The following GPHN variants were observed in gnomAD, a reference collection of about 807,000 sequenced individuals.
GPHN encodes the protein gephyrin.
A neutral mutation model predicts 95.5 loss-of-function variants in GPHN; 17 were observed. The ratio of observed to expected loss-of-function variants is 0.18; its 90% confidence interval spans 0.12 to 0.27. The LOEUF is 0.27. Ranked by LOEUF, GPHN falls within the 10% of genes least tolerant of loss-of-function variation. The pLI, the probability that GPHN is intolerant of heterozygous loss-of-function variation, is 1.00. For missense variants in GPHN, 660 were observed against 978.1 expected, an observed-to-expected ratio of 0.67 and a Z score of 4.34; for synonymous variants, 320 against 322.5, an observed-to-expected ratio of 0.99 and a Z score of 0.08.
chr14:66,664,710 G>T (rs1258362123), intron 1 of GPHN, among the ~76,000 whole-genome samples: 1 of 151,138 alleles, frequency 6.6e-6, no homozygotes, highest in East Asian at 1.9e-4. Flanking sequence ...TTTTTGAAAA[G>T]ATTAATAAAA....
intron 2 of GPHN, among the ~76,000 whole-genome samples, chr14:66,732,772 C>A (rs146914684): frequency 6.6e-6 from 1 of 152,300 alleles, no homozygotes; most frequent in African/African-American, 2.4e-5. Context: ...CCCTCGGCCT[C>A]CCAAATTGCT....
At chr14:66,777,623 C>T (rs1251891360) in intron 3 of GPHN, among the ~76,000 whole-genome samples, 2 of 152,150 alleles carry the variant, frequency 1.3e-5, no homozygotes, top group Non-Finnish European at 1.5e-5. Flanking sequence ...AGCTTATCCA[C>T]CACGATCAAG....
At chr14:67,284,682 G>T in the GPHN span, among the ~76,000 whole-genome samples, 634 of 144,410 alleles carry the variant, frequency 4.4e-3, 4 homozygotes, top group African/African-American at 0.015. Flanking sequence ...TGACAACCAC[G>T]AATATACTTT....
intron 3 of GPHN, among the ~76,000 whole-genome samples, chr14:66,800,856 C>T (rs1419368531): frequency 6.6e-6 from 1 of 152,062 alleles, no homozygotes; most frequent in Non-Finnish European, 1.5e-5. Flanking sequence ...AGACTATTCT[C>T]TTGATCGTGT....
At chr14:66,859,546 A>G (rs1480442193) in intron 4 of GPHN, among the ~76,000 whole-genome samples, 1 of 152,140 alleles carries the variant, frequency 6.6e-6, no homozygotes, top group East Asian at 1.9e-4. Context: ...TAAATACCTA[A>G]CTCTTCAATG....
the GPHN span, among the ~76,000 whole-genome samples, chr14:67,388,061 C>T: frequency 6.6e-6 from 1 of 152,146 alleles, no homozygotes; most frequent in Admixed American, 6.5e-5. Context: ...CAAGAACATA[C>T]CCTTTGTTCA....
chr14:67,417,950 T>C, the GPHN span, among the ~76,000 whole-genome samples: 1 of 152,106 alleles, frequency 6.6e-6, no homozygotes, highest in African/African-American at 2.4e-5. Flanking sequence ...CTCCCTGTGT[T>C]GCCCAGGCTG....
intron 2 of GPHN, among the ~76,000 whole-genome samples, chr14:66,774,716 A>G (rs145838994): frequency 1.3e-5 from 2 of 152,326 alleles, no homozygotes; most frequent in Admixed American, 6.5e-5. Context: ...CTGATTTTAT[A>G]TATGATTTCC....
chr14:67,183,334 A>T (rs2083349101), downstream of GPHN, among the ~76,000 whole-genome samples: 2 of 152,156 alleles, frequency 1.3e-5, no homozygotes, highest in Admixed American at 1.3e-4. Context: ...ATATTTGCTC[A>T]ATAAAACACA....
intron 3 of GPHN, among the ~76,000 whole-genome samples, chr14:66,777,199 A>G (rs2153461631): frequency 6.6e-6 from 1 of 152,334 alleles, no homozygotes; most frequent in South Asian, 2.1e-4. Context: ...AAACACCTCT[A>G]CGCAAATAAA....
At chr14:67,150,075 A>G (rs1195611693) in intron 18 of GPHN, among the ~76,000 whole-genome samples, 1 of 152,164 alleles carries the variant, frequency 6.6e-6, no homozygotes, top group Non-Finnish European at 1.5e-5. Context: ...TTTAATATCA[A>G]CTCAAGATTT....
chr14:67,279,336 T>C, the GPHN span: 12 of 1,612,062 alleles, frequency 7.4e-6, no homozygotes, highest in Non-Finnish European at 6.8e-6. Context: ...AAGTGCACAG[T>C]TGGAGCGTAT....
At chr14:66,622,201 C>T (rs1023831833) in intron 1 of GPHN, among the ~76,000 whole-genome samples, 1 of 152,140 alleles carries the variant, frequency 6.6e-6, no homozygotes. Flanking sequence ...GCTGCCAAGG[C>T]CTGGGGCTTG....
chr14:66,622,042 A>T (rs991003235), intron 1 of GPHN, among the ~76,000 whole-genome samples: 2 of 152,160 alleles, frequency 1.3e-5, no homozygotes, highest in Non-Finnish European at 2.9e-5. Context: ...GCACTGCCCT[A>T]GCAGAGGTTC....
chr14:66,767,148 A>G (rs900072484), intron 2 of GPHN, among the ~76,000 whole-genome samples: 2 of 152,074 alleles, frequency 1.3e-5, no homozygotes, highest in African/African-American at 4.8e-5. Flanking sequence ...CCTATTACGC[A>G]TTTCTACTCA....
chr14:67,651,193 C>CTGGTCTT, the GPHN span: 3 of 1,124,556 alleles, frequency 2.7e-6, no homozygotes, highest in Non-Finnish European at 3.7e-6. Flanking sequence ...GTATATCATA[C>CTGGTCTT]TGGTCTTGTT....
the GPHN span, among the ~76,000 whole-genome samples, chr14:67,361,322 G>A: frequency 6.6e-6 from 1 of 152,148 alleles, no homozygotes; most frequent in African/African-American, 2.4e-5. Context: ...ATAGTTTGGG[G>A]GTGACTTGTA....
In GPHN at chr14:66,932,464, T is replaced by TTTG. The variant is rs1567118579; in HGVS notation, c.828+8174_828+8175insGTT. 4.0e-4 allele frequency among the ~76,000 whole-genome samples: 49 copies of TTTG among 123,698 alleles called. 1 individual carries two copies. The highest frequency in any genetic ancestry group is 2.9e-4 in the Non-Finnish European group (16 of 55,728). The allele number at this position is 123,698 out of a possible 152,430, so 81.2% of individuals were successfully genotyped here. ...ACCAGGTTTTTTTTTTTTTTTTTTT[T>TTTG]TTTTTTTTTTTTTTTTCAGTGCAGC... On this transcript the variant is annotated intron_variant, in intron 8 of 22. Coordinates refer to ENST00000478722, the MANE Select transcript of GPHN (RefSeq NM_020806.5).
chr14:67,471,375 G>A, the GPHN span: 1 of 152,244 alleles, frequency 6.6e-6, no homozygotes, highest in Admixed American at 6.5e-5. Context: ...AAGGCCTGAA[G>A]GGGTGCTGGG....
Sources: gnomAD v4.1 joint callset for allele counts (sites outside exome capture counted in the v4.1 genomes callset) on GRCh38, gnomAD v4.1.1 for gene constraint, MANE v1.5 for transcripts, NCBI Gene and HGNC (gene_info 2026-07-23, HGNC 2026-07-21) for gene names.